PLD1: variants seen among roughly 807,000 people sequenced by gnomAD.
The protein encoded by PLD1 is phospholipase D1, also known as choline phosphatase 1.
A neutral mutation model predicts 137.1 loss-of-function variants in PLD1; 112 were observed. The observed-to-expected ratio is 0.82, with a 90% CI of 0.70 to 0.96. The LOEUF (loss-of-function observed/expected upper bound fraction) is 0.96. PLD1 is among the 40% of genes least tolerant of loss of function. The probability of loss-of-function intolerance (pLI) is 0.00; values close to 1 mark genes in which losing one functional copy is unlikely to be tolerated. For synonymous variants in PLD1, 431 were observed against 454.7 expected (o/e 0.95, Z 0.66); for missense variants, 1,321 against 1,342.0 (o/e 0.98, Z 0.24).
intron 6 of PLD1, among the ~76,000 whole-genome samples, chr3:171,731,535 A>C (rs1718947425): frequency 6.6e-6 from 1 of 152,196 alleles, no homozygotes; most frequent in Non-Finnish European, 1.5e-5. Flanking sequence ...TAATCTCAGC[A>C]CTTTGGGAGG....
chr3:171,670,072 A>G (rs1362974618), intron 19 of PLD1, among the ~76,000 whole-genome samples: 3 of 152,238 alleles, frequency 2.0e-5, no homozygotes, highest in Non-Finnish European at 2.9e-5. Flanking sequence ...TAAAAAGTCA[A>G]TCTCATGCAA....
At chr3:171,803,670 T>G (rs1350355708) in intron 1 of PLD1, among the ~76,000 whole-genome samples, 12 of 152,126 alleles carry the variant, frequency 7.9e-5, no homozygotes, top group Non-Finnish European at 1.6e-4. Context: ...GAGGCGGAAG[T>G]TGCAGTTAGC....
chr3:171,762,117 G>T (rs1721440258), intron 1 of PLD1, among the ~76,000 whole-genome samples: 1 of 152,184 alleles, frequency 6.6e-6, no homozygotes, highest in Admixed American at 6.5e-5. Flanking sequence ...TATCAACCTT[G>T]TCCAACAGAC....
At chr3:171,654,300 C>CAA (rs35731319) in intron 21 of PLD1, 405 of 113,982 alleles carry the variant, frequency 3.6e-3, no homozygotes, top group South Asian at 0.011. Flanking sequence ...AAGACTGTCT[C>CAA]AAAAAAAAAA....
chr3:171,609,653 A>G (rs1318573919), intron 25 of PLD1, among the ~76,000 whole-genome samples: 1 of 152,166 alleles, frequency 6.6e-6, no homozygotes, highest in Non-Finnish European at 1.5e-5. Context: ...AATAACAGAA[A>G]GTTAAATACT....
intron 1 of PLD1, among the ~76,000 whole-genome samples, chr3:171,778,801 G>A (rs554001276): frequency 2.1e-4 from 32 of 152,304 alleles, no homozygotes; most frequent in African/African-American, 7.0e-4. Context: ...TTTCATTTAC[G>A]TTTTTCCTTA....
In PLD1 at chr3:171,688,999, T is replaced by C. The variant is rs368663470; in HGVS notation, c.1339-123A>G. On this transcript the variant is annotated intron_variant, in intron 13 of 26. Transcript: ENST00000351298. ...AATTCAAATACCAAACTGTACAACG[T>C]ATACACCAAAGAAAATAATTTTATT... is the stretch of plus-strand genomic sequence containing the variant. The C allele has an allele frequency of 1.4e-3, 905 of 663,532 alleles. 9 individuals carry two copies. Among genetic ancestry groups the C allele is most frequent in the Middle Eastern group, 0.01 (25 of 2,432 alleles). 41.1% of individuals were successfully genotyped at this position (663,532 alleles called of 1,614,324 possible).
At position 171,682,108 on chromosome 3, in the gene PLD1, AAAAGAAAGAAAGAAAGAAAGAAAG is replaced by A. The variant is rs61458676; in HGVS notation, c.1868-4438_1868-4415del. Among the ~76,000 whole-genome samples, 336 of 99,156 alleles carry A rather than the reference AAAAGAAAGAAAGAAAGAAAGAAAG, an allele frequency of 3.4e-3. 2 individuals carry two copies. Among genetic ancestry groups the A allele is most frequent in the African/African-American group, 0.012 (326 of 26,786 alleles). The allele number at this position is 99,156 out of a possible 152,430, so 65.1% of individuals were successfully genotyped here. ...GAACTTAAAGTATAATACAGAAAGA[AAAAGAAAGAAAGAAAGAAAGAAAG>A]AAAGAAAGAAAGAAAGAAAGAAAGA... On this transcript the variant is annotated intron_variant, in intron 16 of 26. Transcript: ENST00000351298.
intron 19 of PLD1, among the ~76,000 whole-genome samples, chr3:171,673,046 G>A (rs773269793): frequency 2.6e-5 from 4 of 152,140 alleles, no homozygotes; most frequent in African/African-American, 7.2e-5. Context: ...TGACCACCAC[G>A]TCAATAATAA....
chr3:171,746,870 C>A (rs538535492), intron 1 of PLD1, among the ~76,000 whole-genome samples: 2 of 152,156 alleles, frequency 1.3e-5, no homozygotes, highest in South Asian at 2.1e-4. Context: ...CAGCTGGGGC[C>A]CCCTTCAATA....
intron 23 of PLD1, among the ~76,000 whole-genome samples, chr3:171,630,910 T>C (rs1335869034): frequency 1.3e-5 from 2 of 150,428 alleles, no homozygotes; most frequent in Non-Finnish European, 3.0e-5. Context: ...ATATACCTAA[T>C]GCTAAATGAC....
intron 1 of PLD1, among the ~76,000 whole-genome samples, chr3:171,780,034 A>G (rs190531871): frequency 1.3e-4 from 20 of 150,932 alleles, no homozygotes; most frequent in Admixed American, 7.3e-4. Context: ...GTTTATATAC[A>G]TAAGTCTGAG....
At chr3:171,785,596 G>A (rs1460536017) in intron 1 of PLD1, among the ~76,000 whole-genome samples, 4 of 152,020 alleles carry the variant, frequency 2.6e-5, no homozygotes, top group African/African-American at 7.2e-5. Context: ...GTGCCACCAC[G>A]GCAAGCTAAT....
At chr3:171,719,821 C>G (rs964754727) in intron 8 of PLD1, among the ~76,000 whole-genome samples, 15 of 152,122 alleles carry the variant, frequency 9.9e-5, no homozygotes, top group African/African-American at 3.4e-4. Flanking sequence ...TAAAACTCAT[C>G]TCTCAGATAA....
Position 171,764,669 on chromosome 3 carries a change from C to T in PLD1, c.-31-26587G>A, listed in dbSNP as rs184000227. On this transcript the variant is annotated intron_variant, in intron 1 of 26. Coordinates refer to ENST00000351298, the MANE Select transcript of PLD1 (RefSeq NM_002662.5). ...GTTCATTTGGTCTTAATCTCACACTCAGGACACTGTTGGGAAGATGGGGCC... is the reference window on the plus strand; with the variant it reads ...GTTCATTTGGTCTTAATCTCACACTTAGGACACTGTTGGGAAGATGGGGCC... 2.1e-3 allele frequency among the ~76,000 whole-genome samples: 313 copies of T among 151,858 alleles called. 4 individuals carry two copies. The highest frequency in any genetic ancestry group is 3.1e-4 in the Non-Finnish European group (21 of 67,980).
intron 6 of PLD1, among the ~76,000 whole-genome samples, chr3:171,733,037 C>T (rs1882256): frequency 0.36 from 54,798 of 152,050 alleles, 10,983 homozygotes; most frequent in African/African-American, 0.51. Flanking sequence ...AATCGCCCTA[C>T]GCACCACAAA....
intron 1 of PLD1, among the ~76,000 whole-genome samples, chr3:171,801,480 G>A (rs1238725976): frequency 1.3e-5 from 2 of 152,242 alleles, no homozygotes; most frequent in Admixed American, 1.3e-4. Context: ...CCAGGCTGGA[G>A]TGCTATGGCA....
chr3:171,717,400 TC>T (rs1261670153), intron 8 of PLD1, among the ~76,000 whole-genome samples: 1 of 152,206 alleles, frequency 6.6e-6, no homozygotes, highest in African/African-American at 2.4e-5. Flanking sequence ...ATTTTGTAAT[TC>T]TCATTGTAGA....
At chr3:171,752,580 A>G (rs529621198) in intron 1 of PLD1, among the ~76,000 whole-genome samples, 1 of 152,318 alleles carries the variant, frequency 6.6e-6, no homozygotes, top group Admixed American at 6.5e-5. Context: ...CTGAGCCTGC[A>G]CAGACCTCCT....
Sources: gnomAD v4.1 joint callset for allele counts (sites outside exome capture counted in the v4.1 genomes callset) on GRCh38, gnomAD v4.1.1 for gene constraint, MANE v1.5 for transcripts, NCBI Gene and HGNC (gene_info 2026-07-23, HGNC 2026-07-21) for gene names.